KIR3DL1: variants seen among roughly 807,000 people sequenced by gnomAD.
The protein encoded by KIR3DL1 is killer cell immunoglobulin-like receptor 3DL1.
KIR3DL1 carries 50 observed loss-of-function variants against 40.3 expected under a neutral mutation model. The ratio of observed to expected loss-of-function variants is 1.24; its 90% CI spans 0.99 to 1.57. The LOEUF (loss-of-function observed/expected upper bound fraction) is 1.57, where lower values mean the gene tolerates loss of function less well. Ranked by LOEUF, KIR3DL1 falls within the 40% of genes most tolerant of loss-of-function variation. The pLI, the probability that KIR3DL1 is intolerant of heterozygous loss-of-function variation, is 0.00. For synonymous variants in KIR3DL1, 257 were observed against 207.2 expected, an observed-to-expected ratio of 1.24 and a Z score of -2.07; for missense variants, 661 against 559.9, an observed-to-expected ratio of 1.18 and a Z score of -1.82.
intron 2 of KIR3DL1, 45 bp downstream of exon 2, chr19:54,817,614 A>AG: frequency 7.0e-7 from 1 of 1,435,738 alleles, no homozygotes; most frequent in Non-Finnish European, 9.5e-7. Flanking sequence ...CCCACATAAG[A>AG]GGATTTTCCT....
chr19:54,819,578 G>C, intron 3 of KIR3DL1, 135 bp from the exon 4 acceptor site: 1 of 1,087,624 alleles, frequency 9.2e-7, no homozygotes, highest in African/African-American at 1.6e-5. Flanking sequence ...AGGGGATATG[G>C]GCACAGAAAA....
chr19:54,825,480 A>G (rs1210546451), intron 6 of KIR3DL1, among the ~76,000 whole-genome samples: 2 of 150,348 alleles, frequency 1.3e-5, no homozygotes, highest in African/African-American at 2.5e-5. Context: ...ACTGTTGGTC[A>G]TGAAGCAACC....
intron 6 of KIR3DL1, among the ~76,000 whole-genome samples, chr19:54,827,874 C>A (rs1335283037): frequency 6.7e-6 from 1 of 150,200 alleles, no homozygotes; most frequent in Non-Finnish European, 1.5e-5. Context: ...ACAAAAAAAA[C>A]TTGCCCCCTC....
At chr19:54,827,336 A>G (rs1331239010) in intron 6 of KIR3DL1, among the ~76,000 whole-genome samples, 2 of 151,164 alleles carry the variant, frequency 1.3e-5, no homozygotes, top group Non-Finnish European at 2.9e-5. Context: ...TCACTCCTGT[A>G]ACCCAGCACT....
chr19:54,820,741 A>G (rs1226272018), intron 4 of KIR3DL1, among the ~76,000 whole-genome samples: 1 of 151,156 alleles, frequency 6.6e-6, no homozygotes, highest in African/African-American at 2.4e-5. Flanking sequence ...CAGAATGGAG[A>G]GAATGATGGA....
chr19:54,828,597 C>A (rs1470076307), intron 6 of KIR3DL1, among the ~76,000 whole-genome samples: 1 of 150,744 alleles, frequency 6.6e-6, no homozygotes, highest in East Asian at 1.9e-4. Flanking sequence ...AGCAGCCCAG[C>A]CTGGGTTTTG....
In KIR3DL1 at chr19:54,820,484, C is replaced by T. The variant is rs944452097; in HGVS notation, c.655+472C>T. Among the ~76,000 whole-genome samples the T allele has an allele frequency of 8.6e-5, 13 of 151,478 alleles. 1 individual carries two copies. The highest frequency in any genetic ancestry group is 2.9e-4 in the African/African-American group (12 of 41,020). ...TATTCTGACACCTCTGCCTTCCATG[C>T]AATGGAGAGTAATCATCCCAGGATA... On this transcript the variant is annotated intron_variant, in intron 4 of 8. Coordinates refer to ENST00000391728, the Ensembl canonical transcript of KIR3DL1.
In KIR3DL1 at chr19:54,830,717, T is replaced by C. The variant is rs538837589; in HGVS notation, c.*442T>C. On this transcript the variant is annotated 3_prime_UTR_variant, in exon 9 of 9. Transcript: ENST00000391728. Reference sequence around the variant, plus strand: ...CCAGCCTTCTGTCAGCAGTGAAACTTATAAAATTTTTTGTGATTTCAATGT... The same window carrying C: ...CCAGCCTTCTGTCAGCAGTGAAACTCATAAAATTTTTTGTGATTTCAATGT... 1.2e-4 allele frequency: 24 copies of C among 207,150 alleles called. 3 individuals carry two copies. In the Admixed American group the frequency reaches 1.3e-3, roughly 11 times the overall value. 12.8% of individuals were successfully genotyped at this position (207,150 alleles called of 1,614,324 possible). A position where few individuals can be genotyped will look rare whatever the true frequency, so the allele number is the denominator to read the frequency against.
intron 2 of KIR3DL1, among the ~76,000 whole-genome samples, chr19:54,817,874 A>G (rs2061428213): frequency 6.8e-6 from 1 of 147,656 alleles, no homozygotes; most frequent in Admixed American, 6.7e-5. Flanking sequence ...CAAAGGTGTA[A>G]CTCACACCCT....
At chr19:54,827,349 A>C (rs1323252313) in intron 6 of KIR3DL1, among the ~76,000 whole-genome samples, 3 of 151,092 alleles carry the variant, frequency 2.0e-5, no homozygotes, top group Non-Finnish European at 4.4e-5. Flanking sequence ...CCAGCACTGC[A>C]GGAGGCTAAG....
At chr19:54,820,915 G>T (rs2061599675) in intron 4 of KIR3DL1, among the ~76,000 whole-genome samples, 1 of 151,232 alleles carries the variant, frequency 6.6e-6, no homozygotes, top group East Asian at 1.9e-4. Flanking sequence ...TAGATGGATA[G>T]ATAGACGTAG....
At position 54,819,711 on chromosome 19, in the gene KIR3DL1, A is replaced by G. The variant is rs764791039; in HGVS notation, c.356-2A>G. On this transcript the variant is annotated splice_acceptor_variant, in intron 3 of 8. Transcript: ENST00000391728. LOFTEE classifies it high-confidence loss of function. ...TTCTAAACTCACAACTTCTCTTTCT[A>G]GGAAACCACAGAAAACCTTCCCTCC... 3.1e-6 allele frequency: 5 copies of G among 1,606,700 alleles called. 1 individual carries two copies. The Admixed American group carries it at 5.0e-5, about 16-fold the overall frequency.
chr19:54,816,759 G>A (rs373452477), intron 1 of KIR3DL1, among the ~76,000 whole-genome samples: 78 of 139,256 alleles, frequency 5.6e-4, no homozygotes, highest in African/African-American at 2.1e-3. Context: ...GGAGATATGG[G>A]CCTGGGGTGG....
intron 6 of KIR3DL1, among the ~76,000 whole-genome samples, chr19:54,828,948 G>A (rs1471764553): frequency 3.6e-5 from 5 of 138,526 alleles, no homozygotes; most frequent in African/African-American, 1.0e-4. Flanking sequence ...CAAGGGGGAG[G>A]GGGAGCAATG....
exon 4 of KIR3DL1, chr19:54,819,965 C>G: frequency 6.2e-7 from 1 of 1,611,630 alleles, no homozygotes; most frequent in Non-Finnish European, 8.5e-7. Flanking sequence ...ACTCACACCC[C>G]CTATCAGTTG....
intron 6 of KIR3DL1, among the ~76,000 whole-genome samples, chr19:54,828,221 T>G (rs35608990): frequency 0.18 from 27,691 of 150,340 alleles, 2,886 homozygotes; most frequent in South Asian, 0.31. Context: ...TCGCTTTTTT[T>G]ATATTGATTT....
intron 6 of KIR3DL1, among the ~76,000 whole-genome samples, chr19:54,826,494 AT>A (rs2061897073): frequency 7.0e-6 from 1 of 142,158 alleles, no homozygotes; most frequent in Non-Finnish European, 1.5e-5. Flanking sequence ...CTTTTTGTAT[AT>A]TTTTTGTAGA....
chr19:54,830,442 CA>C, exon 9 of KIR3DL1: 1 of 877,420 alleles, frequency 1.1e-6, no homozygotes. Context: ...CTCTTGCTTA[CA>C]AATGTCTAGG....
chr19:54,821,810 C>G (rs760367702), exon 5 of KIR3DL1: 3 of 1,605,388 alleles, frequency 1.9e-6, no homozygotes, highest in Non-Finnish European at 2.6e-6. Context: ...CCGTCACTCT[C>G]CCTACGAGTG....
Sources: allele counts gnomAD v4.1 joint callset (sites outside exome capture counted in the v4.1 genomes callset), GRCh38; gene constraint gnomAD v4.1.1; transcripts MANE v1.5; gene names NCBI Gene and HGNC (gene_info 2026-07-23, HGNC 2026-07-21).